NAV1: variants seen among roughly 807,000 people sequenced by gnomAD.
NAV1 encodes the protein neuron navigator 1, also known as pore membrane and/or filament interacting like protein 3.
A neutral mutation model predicts 175.2 loss-of-function variants in NAV1; 18 were observed. The observed-to-expected ratio is 0.10, with a 90% CI of 0.07 to 0.15. The LOEUF is 0.15. Ranked by LOEUF, NAV1 falls within the 10% of genes least tolerant of loss-of-function variation. NAV1 has a pLI of 1.00. For synonymous variants in NAV1, 897 were observed against 978.7 expected (o/e 0.92, Z 1.56); for missense variants, 1,731 against 2,436.6 (o/e 0.71, Z 6.10).
At chr1:201,781,115 G>T (rs189411327) in exon 5 of NAV1, 1 of 1,614,226 alleles carries the variant, frequency 6.2e-7, no homozygotes, top group African/African-American at 1.3e-5. Flanking sequence ...GACAGTGGTA[G>T]CCTGAAGATG....
chr1:201,623,498 G>A, exon 1 of NAV1: 1 of 986,142 alleles, frequency 1.0e-6, no homozygotes. Flanking sequence ...CCAGTCTGCA[G>A]CCCAGTGCAG....
At chr1:201,634,553 G>A (rs988097369) in intron 2 of NAV1, among the ~76,000 whole-genome samples, 6 of 152,188 alleles carry the variant, frequency 3.9e-5, no homozygotes, top group African/African-American at 1.4e-4. Flanking sequence ...GAAGAGGCCA[G>A]ATAAGTAAGG....
rs142710398 is a variant in NAV1 at position 201,702,216 on chromosome 1, G to C, written c.758-10601G>C. The stretch of plus-strand genomic sequence containing the variant: ...CAGAAAGTAGATTGGTGGTTGCCAG[G>C]AGTTGGAGCAAGGGGAGAACAGGGA... On this transcript the variant is annotated intron_variant, in intron 1 of 29. Coordinates refer to ENST00000367296, the Ensembl canonical transcript of NAV1. Among the ~76,000 whole-genome samples the C allele has an allele frequency of 3.3e-4, 51 of 152,300 alleles. No individual in the cohort carries two copies. The East Asian group carries it at 8.9e-3, about 27-fold the overall frequency.
chr1:201,727,933 C>T (rs375598746), intron 3 of NAV1, among the ~76,000 whole-genome samples: 20 of 152,140 alleles, frequency 1.3e-4, no homozygotes, highest in East Asian at 3.9e-4. Flanking sequence ...TTCCTGAGTT[C>T]GAGTCACAGG....
chr1:201,680,573 A>C (rs1670427437), intron 1 of NAV1, among the ~76,000 whole-genome samples: 2 of 152,242 alleles, frequency 1.3e-5, no homozygotes, highest in Middle Eastern at 6.8e-3. Context: ...GAATTAATAG[A>C]GTGAGAACTC....
intron 1 of NAV1, among the ~76,000 whole-genome samples, chr1:201,690,888 C>A (rs558352039): frequency 6.6e-6 from 1 of 152,190 alleles, no homozygotes; most frequent in Non-Finnish European, 1.5e-5. Context: ...CACATGGGTA[C>A]GAGATTTTGC....
chr1:201,583,415 T>G (rs1293911850), intron 1 of NAV1, among the ~76,000 whole-genome samples: 3 of 152,208 alleles, frequency 2.0e-5, no homozygotes, highest in Non-Finnish European at 4.4e-5. Context: ...CCCGCTCCCA[T>G]TATCTGTAGA....
chr1:201,779,984 T>C (rs141655672), intron 3 of NAV1, among the ~76,000 whole-genome samples: 26 of 152,294 alleles, frequency 1.7e-4, no homozygotes, highest in African/African-American at 6.3e-4. Flanking sequence ...GAAATCTTTT[T>C]CTGGGCCTCA....
Position 201,718,586 on chromosome 1 carries a change from C to T in NAV1, c.1057C>T (p.His353Tyr). 1 of 1,614,168 alleles carries T rather than the reference C, an allele frequency of 6.2e-7. No individual in the cohort carries two copies. Among genetic ancestry groups the T allele is most frequent in the Non-Finnish European group, 8.5e-7 (1 of 1,180,044 alleles). The change falls in exon 3 of 30, where the codon CAC (histidine) becomes TAC (tyrosine). Residue 353 changes from histidine to tyrosine, a missense_variant. His to Tyr is a moderately conservative substitution (Grantham distance 83, BLOSUM62 2). Coordinates refer to ENST00000367296, the Ensembl canonical transcript of NAV1. The surrounding 1 kb of genome is among the most constrained non-coding windows in gnomAD (Gnocchi z 4.8). ...CTGGTACATGCACGGCGAACGGGCC[C>T]ACTACTCCCACACCATGCCCATGCG...
At chr1:201,697,159 C>A (rs923355287) in intron 1 of NAV1, among the ~76,000 whole-genome samples, 1 of 152,154 alleles carries the variant, frequency 6.6e-6, no homozygotes, top group Admixed American at 6.5e-5. Context: ...GGGCCTTAGT[C>A]TAAGCCGAGT....
intron 1 of NAV1, among the ~76,000 whole-genome samples, chr1:201,658,099 C>G (rs1340425419): frequency 6.6e-6 from 1 of 152,074 alleles, no homozygotes; most frequent in African/African-American, 2.4e-5. Context: ...AAACTTAACC[C>G]CTATGGTAAC....
Position 201,703,857 on chromosome 1 carries a change from G to A in NAV1, c.758-8960G>A, listed in dbSNP as rs534001341. On this transcript the variant is annotated intron_variant, in intron 1 of 29. Transcript: ENST00000367296. Reference sequence around the variant, plus strand: ...GGGTCAGCCTGGGTGTGGTGGAGGGGGTGGGGTGACTGTCCTCCCAGCTCA... The same window carrying A: ...GGGTCAGCCTGGGTGTGGTGGAGGGAGTGGGGTGACTGTCCTCCCAGCTCA... Among the ~76,000 whole-genome samples the A allele has an allele frequency of 7.2e-4, 110 of 152,322 alleles. 2 individuals carry two copies. In the South Asian group the frequency reaches 0.022, roughly 30 times the overall value.
At chr1:201,666,792 G>A (rs1669840730) in intron 1 of NAV1, among the ~76,000 whole-genome samples, 1 of 152,168 alleles carries the variant, frequency 6.6e-6, no homozygotes, top group African/African-American at 2.4e-5. Flanking sequence ...AATTTCAAGG[G>A]CCTGCAGATT....
At chr1:201,642,307 G>T (rs1408165532) in intron 2 of NAV1, among the ~76,000 whole-genome samples, 2 of 151,364 alleles carry the variant, frequency 1.3e-5, no homozygotes, top group Non-Finnish European at 2.9e-5. Context: ...CCGCCTCCCG[G>T]GTTCACACCA....
intron 1 of NAV1, among the ~76,000 whole-genome samples, chr1:201,672,895 C>T (rs578084481): frequency 6.6e-6 from 1 of 152,310 alleles, no homozygotes; most frequent in Non-Finnish European, 1.5e-5. Flanking sequence ...GCCCTGTGGA[C>T]GCACATAGAC....
intron 3 of NAV1, among the ~76,000 whole-genome samples, chr1:201,766,538 T>G (rs1364536818): frequency 1.3e-5 from 2 of 152,092 alleles, no homozygotes; most frequent in Non-Finnish European, 2.9e-5. Flanking sequence ...TATCTTTTTT[T>G]TAAAAATCAC....
At chr1:201,647,475 T>A (rs1240621826), upstream of NAV1, among the ~76,000 whole-genome samples, 1 of 152,192 alleles carries the variant, frequency 6.6e-6, no homozygotes, top group Non-Finnish European at 1.5e-5. Context: ...TTATAACCAC[T>A]ATAAAAGAAA....
intron 1 of NAV1, among the ~76,000 whole-genome samples, chr1:201,695,049 T>C (rs1671130644): frequency 6.6e-6 from 1 of 152,216 alleles, no homozygotes; most frequent in Non-Finnish European, 1.5e-5. Flanking sequence ...CCCTGAGTGC[T>C]CATGTCGCTT....
intron 1 of NAV1, among the ~76,000 whole-genome samples, chr1:201,698,974 A>G (rs1671298757): frequency 6.6e-6 from 1 of 152,244 alleles, no homozygotes; most frequent in Non-Finnish European, 1.5e-5. Flanking sequence ...CTGTAAAATG[A>G]ACTTGAAAGT....
Sources: allele counts gnomAD v4.1 joint callset (sites outside exome capture counted in the v4.1 genomes callset), GRCh38; gene constraint gnomAD v4.1.1; non-coding constraint Gnocchi (gnomAD v3.1); transcripts MANE v1.5; gene names NCBI Gene and HGNC (gene_info 2026-07-23, HGNC 2026-07-21).